The following VPS13C variants were observed in gnomAD, a reference collection of about 807,000 sequenced individuals.
The protein encoded by VPS13C is vacuolar protein sorting 13 homolog C.
VPS13C carries 358 observed loss-of-function variants against 456.8 expected under a neutral mutation model. The observed-to-expected ratio is 0.78, with a 90% CI of 0.72 to 0.86. The LOEUF is 0.86. Ranked by LOEUF, VPS13C falls within the 40% of genes least tolerant of loss-of-function variation. VPS13C has a pLI of 0.00. For missense variants in VPS13C, 4,818 were observed against 4,385.4 expected, an observed-to-expected ratio of 1.10 and a Z score of -2.79; for synonymous variants, 1,578 against 1,486.7, an observed-to-expected ratio of 1.06 and a Z score of -1.41.
In VPS13C at chr15:61,982,520, A is replaced by C. The variant is rs756840543; in HGVS notation, c.1968T>G (p.Leu656=). Residue 656 remains leucine, a synonymous_variant, in exon 21 of 85, where the codon CTT becomes CTG. Coordinates refer to ENST00000644861, the MANE Select transcript of VPS13C (RefSeq NM_020821.3). ...TCAATGTTGCTGATGTTATTTGCTCAAGATCCAATCCCTTATTTGATTGAA... is the reference window on the plus strand; with the variant it reads ...TCAATGTTGCTGATGTTATTTGCTCCAGATCCAATCCCTTATTTGATTGAA... ...EFFQSNKGLD[L]EQITSATLMK... 4.3e-6 allele frequency: 7 copies of C among 1,610,386 alleles called. No homozygotes were observed. In the African/African-American group the frequency reaches 9.3e-5, roughly 22 times the overall value.
chr15:62,034,392 T>C (rs1170920535), intron 4 of VPS13C, among the ~76,000 whole-genome samples: 2 of 151,480 alleles, frequency 1.3e-5, no homozygotes, highest in African/African-American at 2.4e-5. Context: ...CCCTAAAACA[T>C]CCAAACTTTT....
At chr15:62,008,816 C>T (rs188996500) in intron 13 of VPS13C, 55 bp from the exon 14 acceptor site, 168 of 1,100,668 alleles carry the variant, frequency 1.5e-4, no homozygotes, top group Admixed American at 6.0e-4. Flanking sequence ...AAAAAAAAGA[C>T]TAAATTTAAT....
At chr15:62,010,058 C>T (rs2046987828) in intron 13 of VPS13C, among the ~76,000 whole-genome samples, 1 of 152,042 alleles carries the variant, frequency 6.6e-6, no homozygotes, top group Non-Finnish European at 1.5e-5. Context: ...GGAGTGGTGG[C>T]AGGTGCCTGT....
chr15:62,012,015 CTAAG>C lies in VPS13C; in HGVS notation c.883+88_883+91del, dbSNP rs796980832. 8.7e-5 allele frequency: 67 copies of C among 771,222 alleles called. No homozygotes were observed. In the African/African-American group the frequency reaches 1.0e-3, roughly 12 times the overall value. 47.8% of individuals were successfully genotyped at this position (771,222 alleles called of 1,614,324 possible). A position where few individuals can be genotyped will look rare whatever the true frequency, so the allele number is the denominator to read the frequency against. On this transcript the variant is annotated intron_variant, in intron 12 of 84. Coordinates refer to ENST00000644861, the MANE Select transcript of VPS13C (RefSeq NM_020821.3). ...AAGGTATAAAATTAATATACTTTGA[CTAAG>C]TAAGTTTATCAGAAAACTATGTTAA...
At chr15:61,898,901 A>C (rs1416917458) in intron 66 of VPS13C, among the ~76,000 whole-genome samples, 1 of 100,662 alleles carries the variant, frequency 9.9e-6, no homozygotes, top group Non-Finnish European at 2.1e-5. Flanking sequence ...ATAGCAAACT[A>C]TCTCTCAGAC....
At chr15:61,899,319 G>C (rs1243085436) in intron 66 of VPS13C, among the ~76,000 whole-genome samples, 33 of 134,360 alleles carry the variant, frequency 2.5e-4, no homozygotes, top group Admixed American at 1.5e-4. Context: ...CCAGGAGCTG[G>C]TTTTTTGAAA....
intron 1 of VPS13C, among the ~76,000 whole-genome samples, chr15:62,045,488 G>C (rs1342055716): frequency 6.6e-6 from 1 of 152,020 alleles, no homozygotes; most frequent in Non-Finnish European, 1.5e-5. Context: ...GTGTGAGTAA[G>C]GCACATTTTA....
rs1894694374 is a variant in VPS13C, at chr15:61,867,766, AT to A, written c.10863+892del. Reference sequence around the variant, plus strand: ...ATTACCAGGAATACCACAAGTTTTTATTTGTAGTCAATCCCACTACTATGAA... The same window carrying A: ...ATTACCAGGAATACCACAAGTTTTTATTGTAGTCAATCCCACTACTATGAA... On this transcript the variant is annotated intron_variant, in intron 81 of 84. Coordinates refer to ENST00000644861, the MANE Select transcript of VPS13C (RefSeq NM_020821.3). The surrounding 1 kb of genome is among the most constrained non-coding windows in gnomAD (Gnocchi z 5.0). The A allele has an allele frequency of 6.8e-7, 1 of 1,480,318 alleles. No individual in the cohort carries two copies. The highest frequency in any genetic ancestry group is 2.9e-5 in the Admixed American group (1 of 34,882). 91.7% of individuals were successfully genotyped at this position (1,480,318 alleles called of 1,614,324 possible). A position where few individuals can be genotyped will look rare whatever the true frequency, so the allele number is the denominator to read the frequency against.
chr15:61,941,654 G>A (rs1286970567), intron 46 of VPS13C, 109 bp downstream of exon 46: 2 of 1,192,092 alleles, frequency 1.7e-6, no homozygotes, highest in African/African-American at 1.5e-5. Context: ...ATAATTAGAA[G>A]AAATAAGGAA....
chr15:61,854,507 A>G lies in VPS13C; in HGVS notation c.11212T>C (p.Leu3738=), dbSNP rs190731657. ...DAQSTRQQQK[L]MKQSSVRLLR... ...AGTCTCACTGATGACTGCTTCATCA[A>G]TTTTTGCTGCTGTCTCGTTGACTGT... The change falls in exon 85 of 85, where the codon TTG becomes CTG. Residue 3738 remains leucine, a synonymous_variant. Transcript: ENST00000644861. 1.8e-5 allele frequency: 29 copies of G among 1,614,106 alleles called. No homozygotes were observed. Among genetic ancestry groups the G allele is most frequent in the African/African-American group, 9.3e-5 (7 of 75,026 alleles).
At chr15:61,967,326 T>C in intron 29 of VPS13C, 42 bp downstream of exon 29, 1 of 1,508,738 alleles carries the variant, frequency 6.6e-7, no homozygotes. Context: ...GAGAAATAGT[T>C]TGGAGTAAAC....
chr15:62,013,143 T>A (rs775852115), intron 10 of VPS13C, 24 bp from the exon 11 acceptor site: 2 of 1,544,144 alleles, frequency 1.3e-6, no homozygotes, highest in Non-Finnish European at 1.8e-6. Flanking sequence ...ATGAAAGAGA[T>A]CAGGCAATCA....
intron 1 of VPS13C, among the ~76,000 whole-genome samples, chr15:62,045,596 A>C (rs1456938725): frequency 6.6e-6 from 1 of 152,206 alleles, no homozygotes; most frequent in East Asian, 1.9e-4. Context: ...AAGAGCTTTC[A>C]GGATAAAAAA....
intron 1 of VPS13C, among the ~76,000 whole-genome samples, chr15:62,057,723 T>C (rs966800541): frequency 5.3e-5 from 8 of 152,058 alleles, no homozygotes; most frequent in African/African-American, 1.9e-4. Context: ...TGAAAGAAAG[T>C]CTCCTTTTCT....
chr15:61,985,607 T>C (rs2046024603), intron 18 of VPS13C, among the ~76,000 whole-genome samples: 1 of 152,200 alleles, frequency 6.6e-6, no homozygotes, highest in African/African-American at 2.4e-5. Context: ...AAGCATTTTG[T>C]GGCATAAAGA....
chr15:61,949,330 T>C (rs2044708174), intron 42 of VPS13C, 113 bp downstream of exon 42: 7 of 1,244,636 alleles, frequency 5.6e-6, no homozygotes, highest in Non-Finnish European at 7.9e-6. Context: ...GAAACTAACC[T>C]ATCAGAGCAG....
intron 1 of VPS13C, among the ~76,000 whole-genome samples, chr15:62,058,784 G>C (rs2048888501): frequency 6.6e-6 from 1 of 152,100 alleles, no homozygotes; most frequent in Non-Finnish European, 1.5e-5. Flanking sequence ...AGGCACTATA[G>C]CTCACACCTG....
At chr15:61,918,035 C>G in intron 59 of VPS13C, 101 bp downstream of exon 59, 1 of 1,247,024 alleles carries the variant, frequency 8.0e-7, no homozygotes, top group Non-Finnish European at 1.1e-6. Context: ...TTAAAACTGG[C>G]TTTTACTGAT....
intron 75 of VPS13C, among the ~76,000 whole-genome samples, chr15:61,876,701 A>G (rs1476242643): frequency 3.3e-5 from 5 of 152,012 alleles, no homozygotes; most frequent in Non-Finnish European, 1.5e-5. Context: ...GAAGAAATCA[A>G]GTATAATGAC....
Sources: gnomAD v4.1 joint callset for allele counts (sites outside exome capture counted in the v4.1 genomes callset) on GRCh38, gnomAD v4.1.1 for gene constraint, Gnocchi (gnomAD v3.1) non-coding constraint, MANE v1.5 for transcripts, NCBI Gene and HGNC (gene_info 2026-07-23, HGNC 2026-07-21) for gene names.